Variants in CHCHD6 observed in about 807,000 individuals in gnomAD.
CHCHD6 encodes the protein MICOS complex subunit MIC25.
In CHCHD6, 28 loss-of-function variants were observed where a neutral mutation model predicts 32.3. That is an observed-to-expected ratio of 0.87 (90% CI 0.64 to 1.19). CHCHD6 has a LOEUF of 1.19. Among genes scored for constraint, CHCHD6 ranks in the 50% most tolerant of loss-of-function variants. The probability of loss-of-function intolerance (pLI) is 0.00; values close to 1 mark genes in which losing one functional copy is unlikely to be tolerated. For missense variants in CHCHD6, 333 were observed against 307.0 expected, an observed-to-expected ratio of 1.08 and a Z score of -0.63; for synonymous variants, 122 against 117.5, an observed-to-expected ratio of 1.04 and a Z score of -0.25.
chr3:126,933,069 C>CCA (rs1171414999), intron 6 of CHCHD6, among the ~76,000 whole-genome samples: 2 of 152,096 alleles, frequency 1.3e-5, no homozygotes, highest in African/African-American at 4.8e-5. Context: ...CTGGACTGAC[C>CCA]CACGGTTCTG....
At position 126,812,591 on chromosome 3, in the gene CHCHD6, AT is replaced by A. The variant is rs917254060; in HGVS notation, c.412-40044del. 6.9e-3 allele frequency among the ~76,000 whole-genome samples: 982 copies of A among 142,248 alleles called. 4 individuals carry two copies. The highest frequency in any genetic ancestry group is 0.02 in the African/African-American group (799 of 39,014). 93.3% of individuals were successfully genotyped at this position (142,248 alleles called of 152,430 possible). On this transcript the variant is annotated intron_variant, in intron 4 of 7. Transcript: ENST00000290913. ...AGGCACCCACCACCATACCCAGCTAATTTTTTTTTTTTGTATTTTTAGTAGA... is the reference window on the plus strand; with the variant it reads ...AGGCACCCACCACCATACCCAGCTAATTTTTTTTTTTGTATTTTTAGTAGA...
chr3:126,759,214 C>T (rs1029679371), intron 4 of CHCHD6, among the ~76,000 whole-genome samples: 15 of 152,210 alleles, frequency 9.9e-5, no homozygotes, highest in African/African-American at 3.1e-4. Flanking sequence ...CTTCCAAAGC[C>T]AGAGTGTTCT....
At chr3:126,709,483 T>A (rs1934652950) in intron 1 of CHCHD6, among the ~76,000 whole-genome samples, 1 of 152,238 alleles carries the variant, frequency 6.6e-6, no homozygotes, top group South Asian at 2.1e-4. Flanking sequence ...TGTTTTTAGT[T>A]CTCATGGATA....
At chr3:126,829,375 T>TCACCTGGTACTATTTCC (rs1559868609) in intron 4 of CHCHD6, among the ~76,000 whole-genome samples, 1 of 152,028 alleles carries the variant, frequency 6.6e-6, no homozygotes, top group Non-Finnish European at 1.5e-5. Context: ...AACAGGAAAC[T>TCACCTGGTACTATTTCC]CACCTGGTAC....
intron 4 of CHCHD6, among the ~76,000 whole-genome samples, chr3:126,786,439 C>T (rs993841000): frequency 3.3e-5 from 5 of 152,284 alleles, no homozygotes; most frequent in African/African-American, 1.2e-4. Context: ...TTTACAGTCC[C>T]ACCAACAGTG....
chr3:126,723,423 T>C (rs141160411), intron 1 of CHCHD6, among the ~76,000 whole-genome samples: 1 of 152,338 alleles, frequency 6.6e-6, no homozygotes, highest in East Asian at 1.9e-4. Context: ...TATATGTGTC[T>C]TATGTGCATG....
chr3:126,959,508 G>A (rs1209212692), intron 7 of CHCHD6, among the ~76,000 whole-genome samples: 1 of 152,246 alleles, frequency 6.6e-6, no homozygotes, highest in Non-Finnish European at 1.5e-5. Context: ...CAGAGAGCGG[G>A]GAGTGAAGGG....
At chr3:126,773,128 A>G (rs568797218) in intron 4 of CHCHD6, among the ~76,000 whole-genome samples, 2 of 151,934 alleles carry the variant, frequency 1.3e-5, no homozygotes, top group Non-Finnish European at 2.9e-5. Context: ...TTCCCTTTGT[A>G]GGTGACCTGC....
chr3:126,872,619 A>G (rs2077490746), intron 5 of CHCHD6, among the ~76,000 whole-genome samples: 1 of 152,156 alleles, frequency 6.6e-6, no homozygotes, highest in African/African-American at 2.4e-5. Flanking sequence ...GGCATGAGGG[A>G]TCCACAGGCT....
At chr3:126,909,237 A>G (rs2078049381) in intron 5 of CHCHD6, among the ~76,000 whole-genome samples, 1 of 152,156 alleles carries the variant, frequency 6.6e-6, no homozygotes, top group African/African-American at 2.4e-5. Flanking sequence ...TTTTCTTCAC[A>G]TCTGTGATTG....
intron 4 of CHCHD6, among the ~76,000 whole-genome samples, chr3:126,805,419 A>G (rs938550932): frequency 2.0e-5 from 3 of 152,092 alleles, no homozygotes; most frequent in African/African-American, 7.3e-5. Context: ...AGACAAACAG[A>G]GAGCCAAATC....
At chr3:126,720,384 TTCTA>T (rs1935226108) in intron 1 of CHCHD6, among the ~76,000 whole-genome samples, 1 of 152,184 alleles carries the variant, frequency 6.6e-6, no homozygotes, top group Non-Finnish European at 1.5e-5. Flanking sequence ...CAACCGGGGC[TTCTA>T]GTCCCTCAGG....
At chr3:126,865,374 CCAT>C (rs1942255220) in intron 5 of CHCHD6, among the ~76,000 whole-genome samples, 2 of 151,926 alleles carry the variant, frequency 1.3e-5, no homozygotes, top group African/African-American at 2.4e-5. Context: ...ACCACCACCA[CCAT>C]TTCTGTCATC....
chr3:126,878,602 T>C (rs2077569473), intron 5 of CHCHD6, among the ~76,000 whole-genome samples: 1 of 152,162 alleles, frequency 6.6e-6, no homozygotes, highest in South Asian at 2.1e-4. Flanking sequence ...GAAAGGAAAA[T>C]TGTCTTTACA....
intron 4 of CHCHD6, among the ~76,000 whole-genome samples, chr3:126,834,123 TAATC>T (rs905932939): frequency 1.4e-5 from 2 of 141,628 alleles, no homozygotes; most frequent in African/African-American, 5.4e-5. Flanking sequence ...ATGTGTGAAA[TAATC>T]AATGTATCTT....
At chr3:126,809,112 C>T (rs1027891305) in intron 4 of CHCHD6, among the ~76,000 whole-genome samples, 7 of 152,144 alleles carry the variant, frequency 4.6e-5, no homozygotes, top group African/African-American at 1.7e-4. Flanking sequence ...GCTGGGATTA[C>T]AGGCATATGC....
At chr3:126,901,744 T>A (rs1213116017) in intron 5 of CHCHD6, among the ~76,000 whole-genome samples, 1 of 152,166 alleles carries the variant, frequency 6.6e-6, no homozygotes, top group African/African-American at 2.4e-5. Context: ...AATTATGCCA[T>A]GTGAGGAAGG....
At chr3:126,851,773 A>C (rs947268925) in intron 4 of CHCHD6, among the ~76,000 whole-genome samples, 1 of 152,232 alleles carries the variant, frequency 6.6e-6, no homozygotes, top group African/African-American at 2.4e-5. Flanking sequence ...ATGGAGGTCT[A>C]TTGAGACCTT....
At chr3:126,817,292 C>G (rs752713404) in intron 4 of CHCHD6, among the ~76,000 whole-genome samples, 7 of 149,664 alleles carry the variant, frequency 4.7e-5, no homozygotes, top group Non-Finnish European at 1.0e-4. Flanking sequence ...GTTGTTTTCT[C>G]TTTACAATTG....
Sources: gnomAD v4.1 joint callset for allele counts (sites outside exome capture counted in the v4.1 genomes callset) on GRCh38, gnomAD v4.1.1 for gene constraint, MANE v1.5 for transcripts, NCBI Gene and HGNC (gene_info 2026-07-23, HGNC 2026-07-21) for gene names.